FAM89A: variants seen among roughly 807,000 people sequenced by gnomAD.
FAM89A encodes family with sequence similarity 89 member A, also known as protein FAM89A.
In FAM89A, 10 loss-of-function variants were observed where a neutral mutation model predicts 7.1. The ratio of observed to expected loss-of-function variants is 1.40; its 90% CI spans 0.86 to 2.38. The LOEUF is 2.38. Ranked by LOEUF, FAM89A falls within the 30% of genes most tolerant of loss-of-function variation. FAM89A has a pLI of 0.00. For missense variants in FAM89A, 276 were observed against 262.8 expected (o/e 1.05, Z -0.35); for synonymous variants, 157 against 129.3 (o/e 1.21, Z -1.45).
intron 1 of FAM89A, among the ~76,000 whole-genome samples, chr1:231,037,653 T>C (rs528364690): frequency 1.3e-5 from 2 of 152,304 alleles, no homozygotes; most frequent in South Asian, 4.1e-4. Flanking sequence ...ATGCCCATCC[T>C]TGCTACTCAG....
chr1:231,020,514 T>G (rs765718828), intron 1 of FAM89A, among the ~76,000 whole-genome samples: 1 of 152,182 alleles, frequency 6.6e-6, no homozygotes, highest in Non-Finnish European at 1.5e-5. Context: ...AAGACCCACA[T>G]TGGCCTTCCC....
Position 231,020,182 on chromosome 1 carries a change from T to C in FAM89A, c.292-56A>G, listed in dbSNP as rs1004996659. 3.9e-5 allele frequency: 60 copies of C among 1,521,562 alleles called. No homozygotes were observed. The East Asian group carries it at 1.4e-3, about 35-fold the overall frequency. 94.3% of individuals were successfully genotyped at this position (1,521,562 alleles called of 1,614,324 possible). ...GAGAAGTCAGCACTTGAGTTTAATT[T>C]CAGTGGAACACTCAGCCGGCGATCT... On this transcript the variant is annotated intron_variant, in intron 1 of 1. Coordinates refer to ENST00000366654, the MANE Select transcript of FAM89A (RefSeq NM_198552.3).
Position 231,039,910 on chromosome 1 carries a change from G to A in FAM89A, c.291+11C>T. ...GCCGGGAAGAGCCCCAGCTCGCGGAGCCCCACTCACCATCTCTTTGCGGAG... is the reference window on the plus strand; with the variant it reads ...GCCGGGAAGAGCCCCAGCTCGCGGAACCCCACTCACCATCTCTTTGCGGAG... On this transcript the variant is annotated intron_variant, in intron 1 of 1. Transcript: ENST00000366654. The A allele has an allele frequency of 7.7e-7, 1 of 1,306,090 alleles. No homozygotes were observed. The highest frequency in any genetic ancestry group is 9.7e-7 in the Non-Finnish European group (1 of 1,030,290). The allele number at this position is 1,306,090 out of a possible 1,614,324, so 80.9% of individuals were successfully genotyped here.
At chr1:231,021,958 C>T in intron 1 of FAM89A, 2 of 1,408,726 alleles carry the variant, frequency 1.4e-6, no homozygotes, top group South Asian at 2.3e-5. Context: ...CCAGAAACAC[C>T]AGGGATGAGG....
chr1:231,023,153 G>A (rs575964147), intron 1 of FAM89A, among the ~76,000 whole-genome samples: 1 of 152,128 alleles, frequency 6.6e-6, no homozygotes, highest in Non-Finnish European at 1.5e-5. Context: ...TTTTGCCCAG[G>A]TCACTGTTGC....
chr1:231,020,017 G>C lies in FAM89A; in HGVS notation c.401C>G (p.Thr134Ser). Residue 134 changes from threonine to serine, a missense_variant, in exon 2 of 2, where the codon ACT becomes AGT. Coordinates refer to ENST00000366654, the MANE Select transcript of FAM89A (RefSeq NM_198552.3). ...ACQAASSPDC[T>S]YALENGFFDE... ...GAAGAAGCCGTTCTCCAGAGCGTAAGTGCAGTCTGGGCTGGAGGCTGCCTG... is the reference window on the plus strand; with the variant it reads ...GAAGAAGCCGTTCTCCAGAGCGTAACTGCAGTCTGGGCTGGAGGCTGCCTG... The C allele has an allele frequency of 1.2e-6, 2 of 1,614,164 alleles. No individual in the cohort carries two copies. Among genetic ancestry groups the C allele is most frequent in the African/African-American group, 1.3e-5 (1 of 75,046 alleles).
chr1:231,034,832 ACAGAATGTGGCCCTAAAATCTGC>A (rs1228296646), intron 1 of FAM89A, among the ~76,000 whole-genome samples: 1 of 151,350 alleles, frequency 6.6e-6, no homozygotes, highest in Non-Finnish European at 1.5e-5. Flanking sequence ...TTCCAGAAGC[ACAGAATGTGGCCCTAAAATCTGC>A]ATTTGGGCAA....
intron 1 of FAM89A, 21 bp from the exon 2 acceptor site, chr1:231,020,147 G>C (rs949203853): frequency 6.4e-7 from 1 of 1,574,120 alleles, no homozygotes; most frequent in Non-Finnish European, 8.6e-7. Context: ...GGGGTGGGGA[G>C]GTAAAAAACG....
chr1:231,024,549 C>CACACACACACACACACA (rs879412001), intron 1 of FAM89A, among the ~76,000 whole-genome samples: 2 of 149,962 alleles, frequency 1.3e-5, no homozygotes, highest in Non-Finnish European at 3.0e-5. Context: ...CACACACACA[C>CACACACACACACACACA]ATTTAGAGAT....
intron 1 of FAM89A, among the ~76,000 whole-genome samples, chr1:231,035,487 C>T (rs1012763818): frequency 1.3e-5 from 2 of 152,318 alleles, no homozygotes; most frequent in African/African-American, 4.8e-5. Context: ...TCAAAGATCT[C>T]CTGCCCCCAG....
intron 1 of FAM89A, among the ~76,000 whole-genome samples, chr1:231,032,333 C>T (rs1005739073): frequency 7.7e-5 from 1 of 13,030 alleles, no homozygotes; most frequent in Non-Finnish European, 1.4e-4. Context: ...CCAAACTGCG[C>T]TCAAAAAACC....
intron 1 of FAM89A, among the ~76,000 whole-genome samples, chr1:231,035,393 G>A (rs11122198): frequency 0.4 from 61,079 of 151,990 alleles, 12,485 homozygotes; most frequent in East Asian, 0.55. Context: ...AAAATGAGGC[G>A]AAGAGATTCC....
chr1:231,022,471 C>A (rs759585664), intron 1 of FAM89A, among the ~76,000 whole-genome samples: 2 of 152,166 alleles, frequency 1.3e-5, no homozygotes, highest in Non-Finnish European at 2.9e-5. Context: ...GCAGAACCTG[C>A]ACATTTGCCA....
rs1679858632 is a variant in FAM89A, at chr1:231,020,599, C to T, written c.292-473G>A. 3.3e-5 allele frequency among the ~76,000 whole-genome samples: 5 copies of T among 152,306 alleles called. No individual in the cohort carries two copies. The South Asian group carries it at 1.0e-3, about 32-fold the overall frequency. On this transcript the variant is annotated intron_variant, in intron 1 of 1. Coordinates refer to ENST00000366654, the MANE Select transcript of FAM89A (RefSeq NM_198552.3). ...GCAACAGAATGCCCTTTGCCAGTGA[C>T]AGCAGCTGGCCAACGTGACATCCCC...
chr1:231,032,520 C>T (rs1680092496), intron 1 of FAM89A, among the ~76,000 whole-genome samples: 1 of 151,814 alleles, frequency 6.6e-6, no homozygotes, highest in African/African-American at 2.4e-5. Context: ...ATGTATACAT[C>T]CGTGGTTATA....
intron 1 of FAM89A, among the ~76,000 whole-genome samples, chr1:231,036,526 G>T (rs999672688): frequency 6.6e-6 from 1 of 152,032 alleles, no homozygotes; most frequent in East Asian, 1.9e-4. Flanking sequence ...GGGAGGGGAC[G>T]AGGACTTACG....
chr1:231,028,236 GA>G (rs1680006446), intron 1 of FAM89A, among the ~76,000 whole-genome samples: 1 of 152,172 alleles, frequency 6.6e-6, no homozygotes, highest in Non-Finnish European at 1.5e-5. Flanking sequence ...GTCCCTGTGG[GA>G]AGCATCAGAC....
intron 1 of FAM89A, among the ~76,000 whole-genome samples, chr1:231,032,481 G>A (rs2103075280): frequency 6.7e-6 from 1 of 149,736 alleles, no homozygotes; most frequent in Middle Eastern, 3.4e-3. Flanking sequence ...GTCAGTCTTG[G>A]AGGTACAACA....
At chr1:231,024,248 C>A (rs1025651637) in intron 1 of FAM89A, among the ~76,000 whole-genome samples, 1 of 150,732 alleles carries the variant, frequency 6.6e-6, no homozygotes, top group Non-Finnish European at 1.5e-5. Flanking sequence ...GAAAAGCACA[C>A]AGAAAGTGTC....
Sources: allele counts gnomAD v4.1 joint callset (sites outside exome capture counted in the v4.1 genomes callset), GRCh38; gene constraint gnomAD v4.1.1; transcripts MANE v1.5; gene names NCBI Gene and HGNC (gene_info 2026-07-23, HGNC 2026-07-21).